The following MGAT5 variants were observed in gnomAD, a reference collection of about 807,000 sequenced individuals.
MGAT5 encodes alpha-1,6-mannosylglycoprotein 6-beta-N-acetylglucosaminyltransferase A.
In MGAT5, 30 loss-of-function variants were observed where a neutral mutation model predicts 94.3. The ratio of observed to expected loss-of-function variants is 0.32; its 90% CI spans 0.24 to 0.43. MGAT5 has a LOEUF of 0.43. Among genes scored for constraint, MGAT5 ranks in the 20% least tolerant of loss-of-function variants. The pLI is 1.00. For missense variants in MGAT5, 691 were observed against 905.5 expected (o/e 0.76, Z 3.04); for synonymous variants, 310 against 322.9 (o/e 0.96, Z 0.43).
chr2:134,434,105 C>T (rs1404952187), intron 14 of MGAT5, among the ~76,000 whole-genome samples: 1 of 152,216 alleles, frequency 6.6e-6, no homozygotes, highest in Non-Finnish European at 1.5e-5. Flanking sequence ...GAACAAGTGA[C>T]CCTTTCCCTG....
chr2:134,389,182 T>G (rs565218090), intron 10 of MGAT5, among the ~76,000 whole-genome samples: 227 of 152,368 alleles, frequency 1.5e-3, no homozygotes, highest in African/African-American at 5.0e-3. Flanking sequence ...CCATTAAGAA[T>G]AACTGCCTAG....
intron 1 of MGAT5, among the ~76,000 whole-genome samples, chr2:134,228,798 A>G (rs1254438725): frequency 6.6e-6 from 1 of 152,034 alleles, no homozygotes; most frequent in African/African-American, 2.4e-5. Context: ...CCTCCCTGTG[A>G]TCAGCTTTCC....
chr2:134,288,824 C>G (rs1361087111), intron 2 of MGAT5, among the ~76,000 whole-genome samples: 3 of 152,118 alleles, frequency 2.0e-5, no homozygotes, highest in Non-Finnish European at 4.4e-5. Flanking sequence ...CATTCCCCTT[C>G]CCACTCTTCT....
intron 2 of MGAT5, among the ~76,000 whole-genome samples, chr2:134,302,555 A>G (rs995491318): frequency 3.9e-5 from 6 of 152,048 alleles, no homozygotes; most frequent in Non-Finnish European, 8.8e-5. Flanking sequence ...CTTTCAACCT[A>G]GAGCTTCTTT....
chr2:134,223,672 C>T (rs775947798), intron 1 of MGAT5, among the ~76,000 whole-genome samples: 86 of 152,176 alleles, frequency 5.7e-4, no homozygotes, highest in South Asian at 1.0e-3. Context: ...AGTTTTTAAG[C>T]TACCTTTTTT....
intron 10 of MGAT5, among the ~76,000 whole-genome samples, chr2:134,381,330 C>CATAGATACATAG (rs140600612): frequency 1.5e-5 from 1 of 67,810 alleles, no homozygotes; most frequent in Non-Finnish European, 3.2e-5. Context: ...AGACCTGTCT[C>CATAGATACATAG]ATAGATAGAT....
intron 9 of MGAT5, among the ~76,000 whole-genome samples, chr2:134,358,898 A>G (rs915601939): frequency 6.6e-6 from 1 of 152,194 alleles, no homozygotes; most frequent in Non-Finnish European, 1.5e-5. Context: ...GCTCCAAAAC[A>G]TTTGTCATTG....
At chr2:134,370,259 A>G (rs934478271) in intron 10 of MGAT5, among the ~76,000 whole-genome samples, 1 of 152,240 alleles carries the variant, frequency 6.6e-6, no homozygotes, top group African/African-American at 2.4e-5. Context: ...CCTTGAAAAG[A>G]ACACATTTTT....
intron 2 of MGAT5, among the ~76,000 whole-genome samples, chr2:134,311,740 T>A (rs937594326): frequency 6.6e-6 from 1 of 151,368 alleles, no homozygotes; most frequent in African/African-American, 2.4e-5. Flanking sequence ...CAGTGAGGAG[T>A]GGTTATTAAA....
At position 134,448,640 on chromosome 2, in the gene MGAT5, C is replaced by G. The variant is rs781160526; in HGVS notation, c.2028-9C>G. ...TCACCAACACTTGTGCCTTTCTCTT[C>G]CTCTTCAGGTACAAGGTGACCTGCC... On this transcript the variant is annotated splice_polypyrimidine_tract_variant and intron_variant, in intron 15 of 15. Coordinates refer to ENST00000281923, the MANE Select transcript of MGAT5 (RefSeq NM_002410.5). 26 of 1,613,692 alleles carry G rather than the reference C, an allele frequency of 1.6e-5. No homozygotes were observed. The highest frequency in any genetic ancestry group is 2.2e-5 in the Non-Finnish European group (26 of 1,179,712).
At chr2:134,401,371 A>G (rs1683044807) in intron 10 of MGAT5, among the ~76,000 whole-genome samples, 1 of 152,158 alleles carries the variant, frequency 6.6e-6, no homozygotes, top group African/African-American at 2.4e-5. Flanking sequence ...TGAGTTCCCA[A>G]GAGAGCATCT....
Position 134,266,112 on chromosome 2 carries a change from A to T in MGAT5, c.242-4274A>T, listed in dbSNP as rs935119825. Among the ~76,000 whole-genome samples, 6 of 147,582 alleles carry T rather than the reference A, an allele frequency of 4.1e-5. 1 individual carries two copies. The South Asian group carries it at 1.1e-3, about 26-fold the overall frequency. Reference sequence around the variant, plus strand: ...CCAGGAGGCAGATGCAGTGAGCTGAAATCGTGCCACTGCACTCCAGCCTTG... The same window carrying T: ...CCAGGAGGCAGATGCAGTGAGCTGATATCGTGCCACTGCACTCCAGCCTTG... On this transcript the variant is annotated intron_variant, in intron 1 of 15. Coordinates refer to ENST00000281923, the MANE Select transcript of MGAT5 (RefSeq NM_002410.5).
intron 1 of MGAT5, among the ~76,000 whole-genome samples, chr2:134,189,916 A>G (rs957245811): frequency 6.6e-5 from 10 of 152,008 alleles, no homozygotes; most frequent in African/African-American, 2.4e-4. Flanking sequence ...CCTTTTCTTT[A>G]GAATAACTTT....
intron 7 of MGAT5, among the ~76,000 whole-genome samples, chr2:134,344,388 T>C (rs966580905): frequency 6.6e-6 from 1 of 151,898 alleles, no homozygotes; most frequent in Non-Finnish European, 1.5e-5. Context: ...AAGAAGTTAA[T>C]ACTATAGAGG....
intron 10 of MGAT5, among the ~76,000 whole-genome samples, chr2:134,371,944 TAAAAAAA>T (rs59624970): frequency 7.1e-6 from 1 of 140,034 alleles, no homozygotes; most frequent in Non-Finnish European, 1.6e-5. Flanking sequence ...TTGTTTTGTT[TAAAAAAA>T]AAAAAAAAAA....
chr2:134,386,872 A>T (rs914404698), intron 10 of MGAT5, among the ~76,000 whole-genome samples: 3 of 152,222 alleles, frequency 2.0e-5, no homozygotes, highest in African/African-American at 7.2e-5. Context: ...TATATGGGAT[A>T]TCTCAAAATA....
intron 4 of MGAT5, among the ~76,000 whole-genome samples, 156 bp from the exon 5 acceptor site, chr2:134,336,061 G>T (rs1400347230): frequency 1.3e-5 from 2 of 151,958 alleles, no homozygotes; most frequent in East Asian, 1.9e-4. Flanking sequence ...CTTGTATCTG[G>T]AATACTAGCT....
In MGAT5 at chr2:134,422,843, G is replaced by A. The variant is rs1684375977; in HGVS notation, c.1718G>A (p.Arg573Gln). 12 of 1,613,888 alleles carry A rather than the reference G, an allele frequency of 7.4e-6. No individual in the cohort carries two copies. The highest frequency in any genetic ancestry group is 1.3e-5 in the African/African-American group (1 of 75,020). The change falls in exon 13 of 16, where the codon CGG (arginine) becomes CAG (glutamine). Residue 573 changes from arginine (R) to glutamine (Q), a missense_variant. Physicochemically the swap from Arg to Gln is conservative, Grantham distance 43. Transcript: ENST00000281923. ...QHPYAEVFIG[R>Q]PHVWTVDLNN... ...CCTTACGCTGAAGTTTTCATCGGGC[G>A]GCCACATGTGTGGACTGTTGACCTC...
intron 1 of MGAT5, among the ~76,000 whole-genome samples, chr2:134,178,287 T>G (rs1688573350): frequency 6.6e-6 from 1 of 152,106 alleles, no homozygotes; most frequent in Admixed American, 6.5e-5. Flanking sequence ...TAATTGCATA[T>G]TTAGGTGATG....
Sources: gnomAD v4.1 joint callset for allele counts (sites outside exome capture counted in the v4.1 genomes callset) on GRCh38, gnomAD v4.1.1 for gene constraint, MANE v1.5 for transcripts, NCBI Gene and HGNC (gene_info 2026-07-23, HGNC 2026-07-21) for gene names.